Variants in MTSS1 observed in about 807,000 individuals in gnomAD.
The protein encoded by MTSS1 is MTSS I-BAR domain containing 1, also known as protein MTSS 1.
Under a neutral mutation model 79.0 loss-of-function variants are expected in MTSS1, and 18 were observed. The ratio of observed to expected loss-of-function variants is 0.23; its 90% CI spans 0.16 to 0.34. MTSS1 has a LOEUF of 0.34. Among genes scored for constraint, MTSS1 ranks in the 10% least tolerant of loss-of-function variants. The pLI is 1.00. For synonymous variants in MTSS1, 341 were observed against 368.6 expected (o/e 0.93, Z 0.86); for missense variants, 815 against 986.2 (o/e 0.83, Z 2.33).
At chr8:124,660,888 G>GGACTT (rs1490782165) in intron 3 of MTSS1, among the ~76,000 whole-genome samples, 1 of 152,082 alleles carries the variant, frequency 6.6e-6, no homozygotes, top group Non-Finnish European at 1.5e-5. Context: ...AAAGGATGAG[G>GGACTT]GACTTGTGCC....
chr8:124,557,359 A>G (rs760170124), intron 11 of MTSS1, among the ~76,000 whole-genome samples: 1 of 152,172 alleles, frequency 6.6e-6, no homozygotes, highest in Non-Finnish European at 1.5e-5. Flanking sequence ...ATAGATTTCA[A>G]CTTGATGCAA....
rs544789345 is a variant in MTSS1 at position 124,604,892 on chromosome 8, G to A, written c.209-13657C>T. 6.8e-4 allele frequency among the ~76,000 whole-genome samples: 103 copies of A among 152,266 alleles called. 1 individual carries two copies. The South Asian group carries it at 0.021, about 31-fold the overall frequency. On this transcript the variant is annotated intron_variant, in intron 3 of 13. Transcript: ENST00000518547. ...CACACAATCCTACCACCATCTGGCG[G>A]CTTCAGACCAGCAAGCATGAGATTC...
chr8:124,615,034 C>T (rs933124807), intron 3 of MTSS1, among the ~76,000 whole-genome samples: 8 of 152,102 alleles, frequency 5.3e-5, no homozygotes, highest in South Asian at 2.1e-4. Context: ...TTCCAGAAGG[C>T]GGGAAGATGC....
intron 1 of MTSS1, among the ~76,000 whole-genome samples, chr8:124,719,626 C>T (rs562219388): frequency 3.5e-4 from 53 of 152,330 alleles, no homozygotes; most frequent in Non-Finnish European, 6.0e-4. Context: ...TCGTATTTGA[C>T]GAATACATGT....
intron 1 of MTSS1, among the ~76,000 whole-genome samples, chr8:124,708,789 T>C (rs1830737548): frequency 6.6e-6 from 1 of 152,104 alleles, no homozygotes; most frequent in South Asian, 2.1e-4. Context: ...CCAAAGTAGC[T>C]TGCTGCTGAC....
intron 5 of MTSS1, among the ~76,000 whole-genome samples, chr8:124,586,240 T>C (rs1024402890): frequency 3.3e-5 from 5 of 152,180 alleles, no homozygotes; most frequent in Admixed American, 6.5e-5. Flanking sequence ...AGGTTTCCCT[T>C]CTACTGGCCC....
At position 124,615,241 on chromosome 8, in the gene MTSS1, G is replaced by T. The variant is rs200040602; in HGVS notation, c.209-24006C>A. Among the ~76,000 whole-genome samples, 329 of 152,134 alleles carry T rather than the reference G, an allele frequency of 2.2e-3. 1 individual carries two copies. Among genetic ancestry groups the T allele is most frequent in the African/African-American group, 7.2e-3 (300 of 41,422 alleles). On this transcript the variant is annotated intron_variant, in intron 3 of 13. Transcript: ENST00000518547. ...AAATGGCTTCAGGAAAGCCATGCTG[G>T]GGGGTAGGCAGAGCTCTCACCCCAA...
intron 3 of MTSS1, among the ~76,000 whole-genome samples, chr8:124,643,229 G>C: frequency 6.6e-6 from 1 of 152,098 alleles, no homozygotes; most frequent in East Asian, 1.9e-4. Flanking sequence ...CCATCCTAGG[G>C]AAATAAGATA....
At chr8:124,697,322 G>A (rs1828998485) in intron 3 of MTSS1, among the ~76,000 whole-genome samples, 1 of 151,888 alleles carries the variant, frequency 6.6e-6, no homozygotes, top group Non-Finnish European at 1.5e-5. Context: ...CACTATGGGA[G>A]GCTGAGGCGG....
In MTSS1 at chr8:124,556,072, G is replaced by GT. The variant is rs544544489; in HGVS notation, c.1404+159dup. On this transcript the variant is annotated intron_variant, in intron 12 of 13. Coordinates refer to ENST00000518547, the MANE Select transcript of MTSS1 (RefSeq NM_014751.6). ...TCTGCCTCTCTCATTCCCACACAAG[G>GT]TTTTTTTCCCAGGGACTTTGCTGTA... is the stretch of plus-strand genomic sequence containing the variant. 144 of 1,543,512 alleles carry GT rather than the reference G, an allele frequency of 9.3e-5. No homozygotes were observed. The African/African-American group carries it at 1.5e-3, about 16-fold the overall frequency.
At position 124,569,779 on chromosome 8, in the gene MTSS1, C is replaced by T. The variant is rs938697834; in HGVS notation, c.461-1243G>A. 1.2e-4 allele frequency among the ~76,000 whole-genome samples: 18 copies of T among 152,264 alleles called. No individual in the cohort carries two copies. The South Asian group carries it at 1.7e-3, about 14-fold the overall frequency. ...AGCTGGAAGGGGTTATCCAATTGGG[C>T]CAATCTGCTCATGTTTCAATGGAGA... On this transcript the variant is annotated intron_variant, in intron 6 of 13. Coordinates refer to ENST00000518547, the MANE Select transcript of MTSS1 (RefSeq NM_014751.6).
chr8:124,575,908 A>G (rs966689569), intron 6 of MTSS1, among the ~76,000 whole-genome samples: 2 of 152,178 alleles, frequency 1.3e-5, no homozygotes, highest in African/African-American at 4.8e-5. Flanking sequence ...CCGGATCCAG[A>G]AATTTACCAT....
intron 3 of MTSS1, among the ~76,000 whole-genome samples, chr8:124,664,853 G>C (rs777647816): frequency 3.7e-4 from 57 of 152,274 alleles, no homozygotes; most frequent in Non-Finnish European, 7.4e-4. Context: ...GTAACACTAG[G>C]AAGTAGACTA....
chr8:124,705,869 A>C (rs1830311986), intron 1 of MTSS1, among the ~76,000 whole-genome samples: 1 of 152,216 alleles, frequency 6.6e-6, no homozygotes, highest in Non-Finnish European at 1.5e-5. Context: ...GCTATCTTCC[A>C]TTCACTAGAT....
intron 3 of MTSS1, among the ~76,000 whole-genome samples, chr8:124,657,346 T>C (rs1821139074): frequency 1.3e-5 from 2 of 152,064 alleles, no homozygotes; most frequent in Non-Finnish European, 1.5e-5. Context: ...GGGTTCATCA[T>C]AGTATTGTCT....
At chr8:124,634,092 A>G (rs1219108537) in intron 3 of MTSS1, among the ~76,000 whole-genome samples, 2 of 149,986 alleles carry the variant, frequency 1.3e-5, no homozygotes, top group African/African-American at 4.9e-5. Context: ...ACCAGTCCTT[A>G]TTTATTTATT....
At chr8:124,670,842 C>T (rs7831518) in intron 3 of MTSS1, among the ~76,000 whole-genome samples, 113,047 of 151,998 alleles carry the variant, frequency 0.74, 42,784 homozygotes, top group Non-Finnish European at 0.82. Flanking sequence ...TTAGCATTCT[C>T]CTCCCTCTGA....
chr8:124,626,372 C>T (rs1814665119), intron 3 of MTSS1, among the ~76,000 whole-genome samples: 1 of 152,132 alleles, frequency 6.6e-6, no homozygotes, highest in African/African-American at 2.4e-5. Flanking sequence ...CATGGTGGCA[C>T]GCATCTGTAA....
intron 5 of MTSS1, 69 bp downstream of exon 5, chr8:124,589,551 G>T (rs1213336309): frequency 6.4e-6 from 8 of 1,254,036 alleles, no homozygotes; most frequent in Non-Finnish European, 9.1e-6. Flanking sequence ...GAGGGGCCAG[G>T]CAGCAGCTGG....
Sources: allele counts gnomAD v4.1 joint callset (sites outside exome capture counted in the v4.1 genomes callset), GRCh38; gene constraint gnomAD v4.1.1; transcripts MANE v1.5; gene names NCBI Gene and HGNC (gene_info 2026-07-23, HGNC 2026-07-21).